The following TMEM201 variants were observed in gnomAD, a reference collection of about 807,000 sequenced individuals.
The protein encoded by TMEM201 is RP13-15M17.2.
In TMEM201, 26 loss-of-function variants were observed where a neutral mutation model predicts 63.4. That is an observed-to-expected ratio of 0.41 (90% confidence interval 0.30 to 0.57). The LOEUF is 0.57. Among genes scored for constraint, TMEM201 ranks in the 20% least tolerant of loss-of-function variants. The probability of loss-of-function intolerance (pLI) is 0.29; values close to 1 mark genes in which losing one functional copy is unlikely to be tolerated. For synonymous variants in TMEM201, 417 were observed against 421.6 expected (o/e 0.99, Z 0.14); for missense variants, 794 against 917.7 (o/e 0.87, Z 1.74).
intron 1 of TMEM201, among the ~76,000 whole-genome samples, chr1:9,594,805 G>A (rs1050396831): frequency 6.6e-6 from 1 of 152,232 alleles, no homozygotes; most frequent in Non-Finnish European, 1.5e-5. Context: ...TGCTGTGGTT[G>A]CCCCCACTTC....
intron 1 of TMEM201, among the ~76,000 whole-genome samples, chr1:9,592,507 C>T (rs933979746): frequency 6.6e-6 from 1 of 152,130 alleles, no homozygotes; most frequent in African/African-American, 2.4e-5. Flanking sequence ...CATCCAGTGC[C>T]CCCTCTAGCA....
chr1:9,590,769 A>G (rs1643906638), intron 1 of TMEM201, among the ~76,000 whole-genome samples: 1 of 152,204 alleles, frequency 6.6e-6, no homozygotes, highest in South Asian at 2.1e-4. Context: ...CTCATAGAGC[A>G]CTGGGTTTCA....
chr1:9,600,835 G>A (rs939661115), intron 4 of TMEM201, among the ~76,000 whole-genome samples: 1 of 152,290 alleles, frequency 6.6e-6, no homozygotes, highest in African/African-American at 2.4e-5. Flanking sequence ...CAGGAGAATC[G>A]CTTAAACCCA....
At position 9,609,800 on chromosome 1, in the gene TMEM201, C is replaced by G. The variant is rs1022118751; in HGVS notation, c.1394-40C>G. The G allele has an allele frequency of 3.9e-6, 6 of 1,538,006 alleles. No individual in the cohort carries two copies. The African/African-American group carries it at 5.5e-5, about 14-fold the overall frequency. On this transcript the variant is annotated intron_variant, in intron 7 of 10. Transcript: ENST00000340381. ...ATTTGTGGGGGCCTCTGCACGTCAT[C>G]CACAGGCCTGACGTGTCGCCCGCTT...
In TMEM201 at chr1:9,609,922, CAGAG is replaced by C. The variant is rs1424008853; in HGVS notation, c.1465+14_1465+17del. ...AGTTTCCTGTTTCAGGTGAGGAAGACAGAGAGCTAAGTGGGGGACGGGGCAACAT... is the reference window on the plus strand; with the variant it reads ...AGTTTCCTGTTTCAGGTGAGGAAGACAGCTAAGTGGGGGACGGGGCAACAT... On this transcript the variant is annotated intron_variant, in intron 8 of 10. Coordinates refer to ENST00000340381, the MANE Select transcript of TMEM201 (RefSeq NM_001130924.3). 1.9e-6 allele frequency: 3 copies of C among 1,551,046 alleles called. No individual in the cohort carries two copies. Among genetic ancestry groups the C allele is most frequent in the Non-Finnish European group, 2.6e-6 (3 of 1,146,770 alleles).
At chr1:9,602,420 C>T in intron 6 of TMEM201, 148 bp downstream of exon 6, 1 of 1,464,876 alleles carries the variant, frequency 6.8e-7, no homozygotes, top group Non-Finnish European at 9.0e-7. Flanking sequence ...AGGTCCTGGC[C>T]CAGTCCCTCC....
In TMEM201 at chr1:9,608,709, C is replaced by T. The variant is rs1293359449; in HGVS notation, c.1393+920C>T. 6.6e-6 allele frequency among the ~76,000 whole-genome samples: 1 copy of T among 152,210 alleles called. No individual in the cohort carries two copies. The highest frequency in any genetic ancestry group is 2.4e-5 in the African/African-American group (1 of 41,458). On this transcript the variant is annotated intron_variant, in intron 7 of 10. Coordinates refer to ENST00000340381, the MANE Select transcript of TMEM201 (RefSeq NM_001130924.3). The surrounding 1 kb of genome is among the most constrained non-coding windows in gnomAD (Gnocchi z 4.3). ...TGTTTCAAGCCCCTTGGGAGGGGAGCGTGGCAATCCCAGGGCCAGTTCAGG... is the reference window on the plus strand; with the variant it reads ...TGTTTCAAGCCCCTTGGGAGGGGAGTGTGGCAATCCCAGGGCCAGTTCAGG...
At chr1:9,592,298 G>A (rs1643934296) in intron 1 of TMEM201, among the ~76,000 whole-genome samples, 2 of 152,176 alleles carry the variant, frequency 1.3e-5, no homozygotes, top group South Asian at 4.1e-4. Flanking sequence ...CTGGCCTCTG[G>A]CTCCCTGGCC....
At chr1:9,595,580 C>A (rs1264785499) in intron 1 of TMEM201, among the ~76,000 whole-genome samples, 3 of 152,076 alleles carry the variant, frequency 2.0e-5, no homozygotes, top group Admixed American at 1.3e-4. Flanking sequence ...CCCGTGCGGC[C>A]GCACTGGAGC....
chr1:9,597,425 C>G (rs985699443), intron 3 of TMEM201, among the ~76,000 whole-genome samples: 1 of 152,216 alleles, frequency 6.6e-6, no homozygotes, highest in Non-Finnish European at 1.5e-5. Context: ...TGGACCCACT[C>G]TGTCCTGTTT....
rs1644330779 is a variant in TMEM201, at chr1:9,611,974, CAGAA to C, written c.1903+89_1903+92del. 21 of 1,415,008 alleles carry C rather than the reference CAGAA, an allele frequency of 1.5e-5. No individual in the cohort carries two copies. The East Asian group carries it at 3.5e-4, about 24-fold the overall frequency. 87.7% of individuals were successfully genotyped at this position (1,415,008 alleles called of 1,614,324 possible). On this transcript the variant is annotated intron_variant, in intron 10 of 10. Coordinates refer to ENST00000340381, the MANE Select transcript of TMEM201 (RefSeq NM_001130924.3). ...CCCCCAGGGGGGTCCAGAGCACTGA[CAGAA>C]AGAATCTTCCAGGACATTGCAGTCC...
chr1:9,589,748 G>T (rs1034796145), intron 1 of TMEM201, among the ~76,000 whole-genome samples: 3 of 152,260 alleles, frequency 2.0e-5, no homozygotes, highest in Admixed American at 1.3e-4. Context: ...TTAGTGGCCT[G>T]TTGCTTCAGC....
chr1:9,594,059 C>T (rs556343395), intron 1 of TMEM201, among the ~76,000 whole-genome samples: 2 of 152,322 alleles, frequency 1.3e-5, no homozygotes, highest in South Asian at 2.1e-4. Context: ...GTCCTAATGC[C>T]GAGCACTGAG....
intron 2 of TMEM201, 23 bp from the exon 3 acceptor site, chr1:9,596,836 C>G (rs765525853): frequency 2.9e-5 from 46 of 1,562,294 alleles, no homozygotes; most frequent in Non-Finnish European, 4.0e-5. Context: ...CTGCCTGCCT[C>G]GAGTCCCACC....
intron 1 of TMEM201, among the ~76,000 whole-genome samples, chr1:9,590,432 G>T (rs1643901133): frequency 6.6e-6 from 1 of 152,178 alleles, no homozygotes; most frequent in Non-Finnish European, 1.5e-5. Context: ...CCTGGGGGAG[G>T]GGATAGTCTG....
intron 1 of TMEM201, among the ~76,000 whole-genome samples, chr1:9,590,512 A>G (rs1008122916): frequency 5.3e-5 from 8 of 152,140 alleles, no homozygotes; most frequent in African/African-American, 1.9e-4. Flanking sequence ...TGTGCCACAC[A>G]CTGCAGCTGT....
At chr1:9,593,991 A>G (rs540853474) in intron 1 of TMEM201, among the ~76,000 whole-genome samples, 2 of 152,344 alleles carry the variant, frequency 1.3e-5, no homozygotes, top group African/African-American at 2.4e-5. Flanking sequence ...AGGTCTCCAC[A>G]TGCCCCAGAG....
rs141162024 is a variant in TMEM201, at chr1:9,596,979, C to T, written c.355C>T (p.Leu119=). 2 of 1,612,976 alleles carry T rather than the reference C, an allele frequency of 1.2e-6. No individual in the cohort carries two copies. Among genetic ancestry groups the T allele is most frequent in the African/African-American group, 2.7e-5 (2 of 74,944 alleles). Residue 119 remains leucine, a synonymous_variant, in exon 3 of 11, where the codon CTG becomes TTG. Transcript: ENST00000340381. ...QPQQWVSSQV[L]LCKRCNHHQT... ...GCAGCAGTGGGTGAGCAGCCAAGTC[C>T]TGCTGTGCAAGAGGTGCAACCACCA...
Position 9,607,370 on chromosome 1 carries a change from C to T in TMEM201, c.1161-187C>T, listed in dbSNP as rs1405381687. ...GCCGGGTCTTGCTGGCACCTCCCAG[C>T]CACCCGCTCCTAATGGCGTGAATGT... On this transcript the variant is annotated intron_variant, in intron 6 of 10. Coordinates refer to ENST00000340381, the MANE Select transcript of TMEM201 (RefSeq NM_001130924.3). This position sits in a 1 kb window ranked among gnomAD's most constrained non-coding sequence, Gnocchi z 5.4. 6.6e-6 allele frequency among the ~76,000 whole-genome samples: 1 copy of T among 151,822 alleles called. No homozygotes were observed. Among genetic ancestry groups the T allele is most frequent in the Admixed American group, 6.6e-5 (1 of 15,262 alleles).
Sources: gnomAD v4.1 joint callset for allele counts (sites outside exome capture counted in the v4.1 genomes callset) on GRCh38, gnomAD v4.1.1 for gene constraint, Gnocchi (gnomAD v3.1) non-coding constraint, MANE v1.5 for transcripts, NCBI Gene and HGNC (gene_info 2026-07-23, HGNC 2026-07-21) for gene names.